The following KLF12 variants were observed in gnomAD, a reference collection of about 807,000 sequenced individuals.
The protein encoded by KLF12 is KLF transcription factor 12.
Under a neutral mutation model 37.8 loss-of-function variants are expected in KLF12, and 9 were observed. The observed-to-expected ratio is 0.24, with a 90% CI of 0.14 to 0.42. The LOEUF (loss-of-function observed/expected upper bound fraction) is 0.42, where lower values mean the gene tolerates loss of function less well. Among genes scored for constraint, KLF12 ranks in the 10% least tolerant of loss-of-function variants. The probability of loss-of-function intolerance (pLI) is 1.00; values close to 1 mark genes in which losing one functional copy is unlikely to be tolerated. For synonymous variants in KLF12, 208 were observed against 202.1 expected (o/e 1.03, Z -0.25); for missense variants, 411 against 516.0 (o/e 0.80, Z 1.97).
At chr13:73,841,855 T>C (rs1884754167) in intron 4 of KLF12, among the ~76,000 whole-genome samples, 1 of 152,184 alleles carries the variant, frequency 6.6e-6, no homozygotes, top group Non-Finnish European at 1.5e-5. Context: ...TGGAAAAATG[T>C]CTTCCTTGGG....
At chr13:73,930,860 A>ATTTTTTTTT (rs11432866) in intron 3 of KLF12, among the ~76,000 whole-genome samples, 5 of 109,476 alleles carry the variant, frequency 4.6e-5, no homozygotes, top group Non-Finnish European at 5.2e-5. Context: ...AACTGGAAAC[A>ATTTTTTTTT]TTTTTTTTTT....
the KLF12 span, among the ~76,000 whole-genome samples, chr13:74,146,444 A>T: frequency 6.6e-6 from 1 of 152,208 alleles, no homozygotes; most frequent in East Asian, 1.9e-4. Flanking sequence ...GCAGTAAGAC[A>T]GTACAAAGCT....
chr13:73,740,276 AG>A (rs1204518089), intron 6 of KLF12, among the ~76,000 whole-genome samples: 3 of 152,208 alleles, frequency 2.0e-5, no homozygotes, highest in Non-Finnish European at 4.4e-5. Flanking sequence ...TAGGAGGGTG[AG>A]GTCCATGAAC....
chr13:74,015,644 C>G (rs971058615), intron 1 of KLF12, among the ~76,000 whole-genome samples: 1 of 152,158 alleles, frequency 6.6e-6, no homozygotes, highest in African/African-American at 2.4e-5. Flanking sequence ...GCATAGCAAT[C>G]TCTCCAACAT....
chr13:73,769,320 G>GT (rs1424846553), intron 5 of KLF12, among the ~76,000 whole-genome samples: 1 of 152,146 alleles, frequency 6.6e-6, no homozygotes, highest in Non-Finnish European at 1.5e-5. Context: ...TAGTCTCCAT[G>GT]TTTTCAAATC....
In KLF12 at chr13:73,943,950, G is replaced by A. The variant is rs201636986; in HGVS notation, c.123+31C>T. On this transcript the variant is annotated intron_variant, in intron 3 of 7. Transcript: ENST00000377669. ...AGAAGAATGCCACTCTCATCAAAAG[G>A]AGTGGGGCATTGCTGGAAACTTGTG... 57 of 1,335,922 alleles carry A rather than the reference G, an allele frequency of 4.3e-5. No individual in the cohort carries two copies. In the African/African-American group the frequency reaches 7.1e-4, roughly 17 times the overall value. The allele number at this position is 1,335,922 out of a possible 1,614,324, so 82.8% of individuals were successfully genotyped here.
intron 1 of KLF12, among the ~76,000 whole-genome samples, chr13:74,081,670 T>C (rs1874896374): frequency 6.6e-6 from 1 of 152,214 alleles, no homozygotes; most frequent in Admixed American, 6.6e-5. Flanking sequence ...CAATAAAATC[T>C]ATTCTGTTTT....
the KLF12 span, among the ~76,000 whole-genome samples, chr13:74,176,482 C>G: frequency 6.6e-6 from 1 of 152,154 alleles, no homozygotes; most frequent in Admixed American, 6.5e-5. Context: ...TAACTTATAA[C>G]CCTCACCCCA....
intron 1 of KLF12, among the ~76,000 whole-genome samples, chr13:74,022,667 C>CA (rs1892870506): frequency 3.4e-5 from 1 of 29,108 alleles, no homozygotes; most frequent in Admixed American, 5.4e-4. Context: ...AAGGGTAAAT[C>CA]CAAAAAAAAA....
intron 3 of KLF12, among the ~76,000 whole-genome samples, chr13:73,860,815 G>T (rs542336136): frequency 1.3e-5 from 2 of 152,202 alleles, no homozygotes; most frequent in African/African-American, 4.8e-5. Context: ...AAAAATGAAA[G>T]TTGAAAGTTT....
intron 5 of KLF12, among the ~76,000 whole-genome samples, chr13:73,812,674 G>A (rs957048551): frequency 2.0e-5 from 3 of 152,000 alleles, no homozygotes; most frequent in Non-Finnish European, 4.4e-5. Context: ...TAAAAGGACA[G>A]AGAAAAGATT....
intron 1 of KLF12, among the ~76,000 whole-genome samples, chr13:74,057,685 T>C (rs1873325861): frequency 6.6e-6 from 1 of 152,178 alleles, no homozygotes; most frequent in South Asian, 2.1e-4. Context: ...TATTCAACTA[T>C]TTTAAAAGAG....
chr13:74,150,122 G>A, the KLF12 span, among the ~76,000 whole-genome samples: 2 of 151,206 alleles, frequency 1.3e-5, no homozygotes, highest in Non-Finnish European at 3.0e-5. Context: ...ATTTCAGTAA[G>A]GACTGATTTT....
chr13:73,995,081 T>A, intron 1 of KLF12, 28 bp from the exon 2 acceptor site: 1 of 1,489,358 alleles, frequency 6.7e-7, no homozygotes, highest in Non-Finnish European at 9.3e-7. Flanking sequence ...AGACAAATGA[T>A]GAGAGAAAGT....
At chr13:73,894,651 T>C (rs9592948) in intron 3 of KLF12, among the ~76,000 whole-genome samples, 67,411 of 152,006 alleles carry the variant, frequency 0.44, 15,280 homozygotes, top group Middle Eastern at 0.5. Flanking sequence ...TCATTTCATT[T>C]TATTTAGTAC....
At chr13:73,959,301 T>C (rs1387798154) in intron 2 of KLF12, among the ~76,000 whole-genome samples, 2 of 152,094 alleles carry the variant, frequency 1.3e-5, no homozygotes, top group Admixed American at 6.5e-5. Context: ...TTTCTCTCTA[T>C]TCCAATTGTC....
At chr13:74,007,500 C>A (rs184744480) in intron 1 of KLF12, among the ~76,000 whole-genome samples, 7 of 152,148 alleles carry the variant, frequency 4.6e-5, no homozygotes, top group Admixed American at 3.9e-4. Flanking sequence ...TGGTCCCGAT[C>A]TCCTGACCTC....
intron 1 of KLF12, among the ~76,000 whole-genome samples, chr13:74,074,975 A>T (rs1433466207): frequency 1.3e-5 from 2 of 152,228 alleles, no homozygotes; most frequent in African/African-American, 4.8e-5. Context: ...TATTCAATTC[A>T]ACAAATATTT....
chr13:73,718,511 C>T (rs529187364), intron 6 of KLF12, among the ~76,000 whole-genome samples: 11 of 152,268 alleles, frequency 7.2e-5, no homozygotes, highest in South Asian at 4.1e-4. Context: ...AATCCCAGCA[C>T]GTAGGGAAGC....
Sources: allele counts gnomAD v4.1 joint callset (sites outside exome capture counted in the v4.1 genomes callset), GRCh38; gene constraint gnomAD v4.1.1; transcripts MANE v1.5; gene names NCBI Gene and HGNC (gene_info 2026-07-23, HGNC 2026-07-21).